ERC2: variants seen among roughly 807,000 people sequenced by gnomAD.
ERC2 encodes ERC protein 2.
A neutral mutation model predicts 114.8 loss-of-function variants in ERC2; 42 were observed. The ratio of observed to expected loss-of-function variants is 0.37; its 90% confidence interval spans 0.29 to 0.47. ERC2 has a LOEUF of 0.47. Ranked by LOEUF, ERC2 falls within the 20% of genes least tolerant of loss-of-function variation. The pLI, the probability that ERC2 is intolerant of heterozygous loss-of-function variation, is 0.99. For missense variants in ERC2, 939 were observed against 1,150.7 expected (o/e 0.82, Z 2.66); for synonymous variants, 454 against 425.5 (o/e 1.07, Z -0.82).
chr3:55,740,022 C>T (rs1385488932), intron 14 of ERC2, among the ~76,000 whole-genome samples: 2 of 152,110 alleles, frequency 1.3e-5, no homozygotes, highest in African/African-American at 4.8e-5. Context: ...GAATCCTTTC[C>T]CCATTGCTTG....
At chr3:56,175,673 C>A (rs1034271302) in intron 3 of ERC2, among the ~76,000 whole-genome samples, 2 of 152,098 alleles carry the variant, frequency 1.3e-5, no homozygotes, top group East Asian at 3.9e-4. Context: ...TGGCCAATAT[C>A]AAGTTACCCA....
At chr3:55,626,739 T>C (rs17055522) in intron 17 of ERC2, among the ~76,000 whole-genome samples, 1,752 of 152,300 alleles carry the variant, frequency 0.012, 29 homozygotes, top group African/African-American at 0.035. Flanking sequence ...TTACCCACCA[T>C]AGAAGCTCCA....
chr3:56,346,431 C>A (rs1003484651), intron 2 of ERC2, among the ~76,000 whole-genome samples: 9 of 152,152 alleles, frequency 5.9e-5, no homozygotes, highest in African/African-American at 2.2e-4. Flanking sequence ...TGTATTAGTC[C>A]ATTTTTATGT....
chr3:56,305,861 G>GTTTT (rs534749451), intron 2 of ERC2, among the ~76,000 whole-genome samples: 2 of 152,008 alleles, frequency 1.3e-5, no homozygotes. Context: ...TTGTTTGTTT[G>GTTTT]TTTTTTTGAG....
intron 6 of ERC2, among the ~76,000 whole-genome samples, chr3:56,117,761 C>T (rs928835863): frequency 6.6e-6 from 1 of 152,220 alleles, no homozygotes; most frequent in Non-Finnish European, 1.5e-5. Flanking sequence ...ATTCGATGAG[C>T]ACCTGCTCTG....
chr3:55,610,060 C>CAAAAAAA (rs1172154104), intron 17 of ERC2, among the ~76,000 whole-genome samples: 40 of 50,376 alleles, frequency 7.9e-4, no homozygotes, highest in Middle Eastern at 0.013. Context: ...CAAACAAACA[C>CAAAAAAA]AAACAAAAAA....
At chr3:56,422,723 A>G (rs900815595) in intron 2 of ERC2, among the ~76,000 whole-genome samples, 3 of 152,148 alleles carry the variant, frequency 2.0e-5, no homozygotes, top group Admixed American at 1.3e-4. Context: ...AAAGAGCACA[A>G]TTTTAGAGCT....
chr3:56,281,619 T>TTAGATA (rs952197668), intron 3 of ERC2, among the ~76,000 whole-genome samples: 2 of 152,020 alleles, frequency 1.3e-5, no homozygotes, highest in African/African-American at 2.4e-5. Context: ...AGAAGACAGA[T>TTAGATA]TAGATATAGA....
intron 14 of ERC2, among the ~76,000 whole-genome samples, chr3:55,788,212 C>A (rs1254134528): frequency 1.3e-5 from 2 of 152,174 alleles, no homozygotes; most frequent in Non-Finnish European, 2.9e-5. Flanking sequence ...GGGCCAGTTC[C>A]AATTGGGATG....
At chr3:55,718,407 G>T (rs2064250212) in intron 15 of ERC2, among the ~76,000 whole-genome samples, 1 of 152,098 alleles carries the variant, frequency 6.6e-6, no homozygotes, top group Non-Finnish European at 1.5e-5. Flanking sequence ...AAAAAGAACA[G>T]GACAACAGCT....
intron 3 of ERC2, among the ~76,000 whole-genome samples, chr3:56,245,134 T>C (rs1011153100): frequency 6.6e-6 from 1 of 151,870 alleles, no homozygotes; most frequent in Non-Finnish European, 1.5e-5. Context: ...ATGTCACATT[T>C]CTCAGAACAT....
At chr3:56,399,709 A>T (rs1438357093) in intron 2 of ERC2, among the ~76,000 whole-genome samples, 1 of 152,112 alleles carries the variant, frequency 6.6e-6, no homozygotes, top group Non-Finnish European at 1.5e-5. Context: ...TTATTTCCCT[A>T]AAAGAGAACT....
chr3:55,590,205 G>A lies in ERC2; in HGVS notation c.*40-78929C>T, dbSNP rs117785297. On this transcript the variant is annotated intron_variant, in intron 17 of 17. Transcript: ENST00000288221. The stretch of plus-strand genomic sequence containing the variant: ...AGTAAAAAGTAAAAAGCGTGAGATC[G>A]TGCCCTGTGTGGCACATTGGGAAAA... 6.0e-4 allele frequency among the ~76,000 whole-genome samples: 92 copies of A among 152,224 alleles called. No homozygotes were observed. The East Asian group carries it at 0.014, about 24-fold the overall frequency.
intron 14 of ERC2, among the ~76,000 whole-genome samples, chr3:55,767,060 G>A (rs1495364): frequency 0.42 from 63,614 of 152,048 alleles, 14,148 homozygotes; most frequent in Non-Finnish European, 0.51. Context: ...GTCCTGTAAC[G>A]GGCATCAGTG....
intron 17 of ERC2, among the ~76,000 whole-genome samples, chr3:55,611,943 C>G (rs1183778433): frequency 2.0e-5 from 3 of 152,196 alleles, no homozygotes; most frequent in African/African-American, 7.2e-5. Flanking sequence ...ACTGTCCCTT[C>G]TGGAGTCTAG....
chr3:55,615,858 T>C (rs774951722), intron 17 of ERC2, among the ~76,000 whole-genome samples: 3 of 152,200 alleles, frequency 2.0e-5, no homozygotes, highest in Non-Finnish European at 4.4e-5. Flanking sequence ...GCCGAGCCAT[T>C]TGGCCGGAGG....
intron 7 of ERC2, among the ~76,000 whole-genome samples, chr3:56,047,044 G>A (rs1397017657): frequency 6.6e-6 from 1 of 152,144 alleles, no homozygotes; most frequent in East Asian, 1.9e-4. Flanking sequence ...ATAAACCCGG[G>A]CTTCTTTTCC....
chr3:56,116,676 A>G (rs762544021), intron 6 of ERC2, among the ~76,000 whole-genome samples: 16 of 152,276 alleles, frequency 1.1e-4, no homozygotes, highest in Admixed American at 8.5e-4. Context: ...TGTGCCCTCA[A>G]CCTGGAATGC....
intron 5 of ERC2, among the ~76,000 whole-genome samples, chr3:56,147,427 T>C (rs974267717): frequency 1.3e-5 from 2 of 152,158 alleles, no homozygotes; most frequent in African/African-American, 4.8e-5. Context: ...TTGACAGAAG[T>C]ATGAATAGTT....
Sources: gnomAD v4.1 joint callset for allele counts (sites outside exome capture counted in the v4.1 genomes callset) on GRCh38, gnomAD v4.1.1 for gene constraint, MANE v1.5 for transcripts, NCBI Gene and HGNC (gene_info 2026-07-23, HGNC 2026-07-21) for gene names.